The following DGKI variants were observed in gnomAD, a reference collection of about 807,000 sequenced individuals.
The protein encoded by DGKI is diacylglycerol kinase iota.
Under a neutral mutation model 147.5 loss-of-function variants are expected in DGKI, and 55 were observed. The observed-to-expected ratio is 0.37, with a 90% CI of 0.30 to 0.47. The LOEUF (loss-of-function observed/expected upper bound fraction) is 0.47. Ranked by LOEUF, DGKI falls within the 20% of genes least tolerant of loss-of-function variation. DGKI has a pLI of 1.00. For missense variants in DGKI, 1,007 were observed against 1,323.8 expected (o/e 0.76, Z 3.71); for synonymous variants, 469 against 477.1 (o/e 0.98, Z 0.22).
intron 30 of DGKI, among the ~76,000 whole-genome samples, chr7:137,406,880 T>C (rs1172131187): frequency 8.6e-6 from 1 of 116,920 alleles, no homozygotes; most frequent in Non-Finnish European, 1.7e-5. Flanking sequence ...ACACAAATAT[T>C]TGTTAAATGA....
chr7:137,445,935 T>A (rs1813696554), intron 27 of DGKI, among the ~76,000 whole-genome samples: 1 of 152,140 alleles, frequency 6.6e-6, no homozygotes, highest in African/African-American at 2.4e-5. Flanking sequence ...AGAAGCTGAA[T>A]CTAAAAGAGA....
chr7:137,598,133 C>T (rs570566077), intron 11 of DGKI, among the ~76,000 whole-genome samples: 9 of 152,274 alleles, frequency 5.9e-5, no homozygotes, highest in African/African-American at 1.7e-4. Context: ...AATAATTCAA[C>T]GTTGGAATTT....
chr7:137,588,897 T>C (rs1324273321), intron 12 of DGKI, among the ~76,000 whole-genome samples: 1 of 152,180 alleles, frequency 6.6e-6, no homozygotes, highest in Non-Finnish European at 1.5e-5. Flanking sequence ...ATCTTATAGA[T>C]AAGGAAACAG....
intron 27 of DGKI, among the ~76,000 whole-genome samples, chr7:137,450,310 T>G (rs753379083): frequency 6.6e-6 from 1 of 152,248 alleles, no homozygotes; most frequent in Non-Finnish European, 1.5e-5. Context: ...AATTTATAAC[T>G]ATGCATGGTA....
intron 1 of DGKI, chr7:137,722,439 C>G (rs896626090): frequency 6.2e-7 from 1 of 1,610,926 alleles, no homozygotes; most frequent in African/African-American, 1.3e-5. Flanking sequence ...CCATTCTGAT[C>G]ATCCTCACTG....
intron 1 of DGKI, among the ~76,000 whole-genome samples, chr7:137,765,510 C>G (rs1322936158): frequency 6.6e-6 from 1 of 152,154 alleles, no homozygotes; most frequent in Non-Finnish European, 1.5e-5. Context: ...AAGTCACTGC[C>G]CAGAGCAAGT....
intron 1 of DGKI, among the ~76,000 whole-genome samples, chr7:137,704,862 A>G (rs1049745414): frequency 6.6e-6 from 1 of 152,222 alleles, no homozygotes; most frequent in African/African-American, 2.4e-5. Flanking sequence ...CAGTGAGACG[A>G]TATGTTATAT....
chr7:137,504,121 G>C (rs1169685493), intron 21 of DGKI, among the ~76,000 whole-genome samples: 1 of 152,168 alleles, frequency 6.6e-6, no homozygotes, highest in Non-Finnish European at 1.5e-5. Flanking sequence ...CTAAGTCCAT[G>C]TGAAAGTGAT....
intron 6 of DGKI, among the ~76,000 whole-genome samples, chr7:137,642,083 T>C (rs1443008055): frequency 1.3e-5 from 2 of 152,188 alleles, no homozygotes; most frequent in African/African-American, 2.4e-5. Context: ...CAACCATTGA[T>C]TGACTACAGG....
At chr7:137,518,230 C>T (rs1463103897) in intron 21 of DGKI, among the ~76,000 whole-genome samples, 2 of 152,096 alleles carry the variant, frequency 1.3e-5, no homozygotes, top group Non-Finnish European at 2.9e-5. Flanking sequence ...ACATTTAACC[C>T]TCAGCACTGA....
At chr7:137,684,449 T>C (rs533767852) in intron 2 of DGKI, among the ~76,000 whole-genome samples, 4 of 152,366 alleles carry the variant, frequency 2.6e-5, no homozygotes, top group South Asian at 4.1e-4. Context: ...AGAAAATGTA[T>C]CATTACAGCT....
chr7:137,437,376 A>G (rs1206956211), intron 28 of DGKI, among the ~76,000 whole-genome samples: 1 of 152,236 alleles, frequency 6.6e-6, no homozygotes, highest in African/African-American at 2.4e-5. Context: ...TAGAAAACAT[A>G]ATTTTAAAAA....
chr7:137,541,429 T>C (rs1468750991), intron 20 of DGKI, among the ~76,000 whole-genome samples: 3 of 152,236 alleles, frequency 2.0e-5, no homozygotes, highest in African/African-American at 7.2e-5. Context: ...TTAACAACTA[T>C]TTACATAGCA....
intron 1 of DGKI, among the ~76,000 whole-genome samples, chr7:137,825,642 A>T (rs1798034608): frequency 6.6e-6 from 1 of 151,778 alleles, no homozygotes; most frequent in Non-Finnish European, 1.5e-5. Flanking sequence ...ACACACACAC[A>T]TTCACACGCA....
At chr7:137,501,120 T>C (rs1443997744) in intron 21 of DGKI, among the ~76,000 whole-genome samples, 1 of 152,152 alleles carries the variant, frequency 6.6e-6, no homozygotes, top group African/African-American at 2.4e-5. Context: ...ATATGCCCTA[T>C]TTGTCTTTCT....
intron 10 of DGKI, among the ~76,000 whole-genome samples, chr7:137,600,817 C>T (rs1253172937): frequency 6.6e-6 from 1 of 152,144 alleles, no homozygotes; most frequent in African/African-American, 2.4e-5. Context: ...TTGACATTTT[C>T]AATCTCCATG....
At chr7:137,526,098 C>G in intron 20 of DGKI, among the ~76,000 whole-genome samples, 1 of 152,112 alleles carries the variant, frequency 6.6e-6, no homozygotes, top group Non-Finnish European at 1.5e-5. Flanking sequence ...CCATTAATGG[C>G]TGACTGAAGG....
At chr7:137,745,117 TA>T (rs1001491026) in intron 1 of DGKI, among the ~76,000 whole-genome samples, 7 of 151,996 alleles carry the variant, frequency 4.6e-5, no homozygotes, top group East Asian at 3.9e-4. Context: ...AAAATAAAAA[TA>T]AAAAAAATGT....
chr7:137,471,955 AT>A (rs1814914936), intron 23 of DGKI, among the ~76,000 whole-genome samples: 1 of 129,296 alleles, frequency 7.7e-6, no homozygotes, highest in African/African-American at 3.3e-5. Flanking sequence ...ACATGTATAT[AT>A]TATATATTAT....
Sources: allele counts gnomAD v4.1 joint callset (sites outside exome capture counted in the v4.1 genomes callset), GRCh38; gene constraint gnomAD v4.1.1; transcripts MANE v1.5; gene names NCBI Gene and HGNC (gene_info 2026-07-23, HGNC 2026-07-21).